Variants in HMCN1 observed in about 807,000 individuals in gnomAD.
HMCN1 encodes hemicentin-1.
In HMCN1, 321 loss-of-function variants were observed where a neutral mutation model predicts 625.9. The observed-to-expected ratio is 0.51, with a 90% CI of 0.47 to 0.56. HMCN1 has a LOEUF of 0.56. HMCN1 is among the 20% of genes least tolerant of loss of function. The probability of loss-of-function intolerance (pLI) is 0.00; values close to 1 mark genes in which losing one functional copy is unlikely to be tolerated. For synonymous variants in HMCN1, 2,425 were observed against 2,417.6 expected (o/e 1.00, Z -0.09); for missense variants, 6,588 against 6,887.3 (o/e 0.96, Z 1.54).
chr1:186,174,562 T>C lies in HMCN1; in HGVS notation c.15863T>C (p.Ile5288Thr), dbSNP rs1335867760. The change falls in exon 103 of 107, where the codon ATA becomes ACA. Residue 5288 changes from isoleucine to threonine, a missense_variant. By Grantham distance (89) the Ile-to-Thr change is moderately conservative (BLOSUM62 -1). Transcript: ENST00000271588. ...ACCCATCAGTGCAGATATAACCAGA[T>C]ATGTGAGAATACAAGAGGCAGCTAT... ...DGTHQCRYNQ[I>T]CENTRGSYRC... 4 of 1,613,748 alleles carry C rather than the reference T, an allele frequency of 2.5e-6. No homozygotes were observed. Among genetic ancestry groups the C allele is most frequent in the Non-Finnish European group, 3.4e-6 (4 of 1,179,652 alleles).
chr1:185,764,321 G>A (rs190985959), intron 1 of HMCN1, among the ~76,000 whole-genome samples: 2 of 152,252 alleles, frequency 1.3e-5, no homozygotes, highest in Non-Finnish European at 2.9e-5. Flanking sequence ...CATAGCTGAA[G>A]GATCCACAAC....
intron 15 of HMCN1, among the ~76,000 whole-genome samples, chr1:185,971,854 C>T (rs752140318): frequency 1.3e-5 from 2 of 152,090 alleles, no homozygotes; most frequent in Non-Finnish European, 2.9e-5. Flanking sequence ...CCACAAAGAC[C>T]ACTATAGAAT....
At chr1:185,999,392 A>G (rs1336816715) in intron 25 of HMCN1, among the ~76,000 whole-genome samples, 1 of 152,018 alleles carries the variant, frequency 6.6e-6, no homozygotes, top group Admixed American at 6.6e-5. Flanking sequence ...AGATTGTTGT[A>G]TCATTTTTTT....
At chr1:185,954,020 C>T (rs1352562258) in intron 11 of HMCN1, among the ~76,000 whole-genome samples, 1 of 151,296 alleles carries the variant, frequency 6.6e-6, no homozygotes, top group African/African-American at 2.4e-5. Context: ...AGGAAAAGGA[C>T]TTTCACAAGG....
At chr1:186,159,907 C>T (rs1571437824) in intron 97 of HMCN1, among the ~76,000 whole-genome samples, 1 of 152,120 alleles carries the variant, frequency 6.6e-6, no homozygotes, top group East Asian at 1.9e-4. Context: ...CTCTGCCTGG[C>T]TTTGGTATCA....
intron 97 of HMCN1, among the ~76,000 whole-genome samples, chr1:186,159,225 C>G (rs1651256974): frequency 6.6e-6 from 1 of 152,094 alleles, no homozygotes; most frequent in African/African-American, 2.4e-5. Flanking sequence ...TGATTTGGCT[C>G]TCTGTCTGTT....
rs1239295914 is a variant in HMCN1, at chr1:186,175,911, G to GA, written c.15943+1272dup. Reference sequence around the variant, plus strand: ...AAAAAAGAAAGAAAAGAAAAGAAAAGAAAGAAAGAAAAGAGTTAAAGAAAC... The same window carrying GA: ...AAAAAAGAAAGAAAAGAAAAGAAAAGAAAAGAAAGAAAAGAGTTAAAGAAAC... On this transcript the variant is annotated intron_variant, in intron 103 of 106. Transcript: ENST00000271588. 1.9e-3 allele frequency among the ~76,000 whole-genome samples: 266 copies of GA among 139,796 alleles called. 1 individual carries two copies. The highest frequency in any genetic ancestry group is 6.6e-3 in the African/African-American group (248 of 37,530). 91.7% of individuals were successfully genotyped at this position (139,796 alleles called of 152,430 possible). A position where few individuals can be genotyped will look rare whatever the true frequency, so the allele number is the denominator to read the frequency against.
intron 1 of HMCN1, among the ~76,000 whole-genome samples, chr1:185,812,058 T>A (rs1659553443): frequency 6.6e-6 from 1 of 152,196 alleles, no homozygotes; most frequent in Non-Finnish European, 1.5e-5. Context: ...CAGCTTTAAC[T>A]TACCCAGTCA....
chr1:185,992,961 G>A (rs1203085691), intron 22 of HMCN1, among the ~76,000 whole-genome samples: 1 of 152,066 alleles, frequency 6.6e-6, no homozygotes, highest in Non-Finnish European at 1.5e-5. Flanking sequence ...AGACCATTAA[G>A]ATTTAAAAGT....
At chr1:185,865,955 C>A in intron 4 of HMCN1, 92 bp downstream of exon 4, 1 of 1,309,350 alleles carries the variant, frequency 7.6e-7, no homozygotes, top group Non-Finnish European at 1.1e-6. Flanking sequence ...ATTTCAAAAA[C>A]AATTTTAACC....
At position 186,093,184 on chromosome 1, in the gene HMCN1, A is replaced by G. The variant is rs1659938034; in HGVS notation, c.9938A>G (p.Asp3313Gly). 1 of 1,613,384 alleles carries G rather than the reference A, an allele frequency of 6.2e-7. No individual in the cohort carries two copies. ...AACATTTATGGAGCTCTTACATCTG[A>G]CACGGGGAAATACACATGTGTTGCT... ...TLNIYGALTS[D>G]TGKYTCVATN... is the part of the protein sequence containing the mutation. Residue 3313 changes from aspartate to glycine, a missense_variant, in exon 65 of 107, where the codon GAC becomes GGC. Around this residue, in one of 3 missense-constraint regions of HMCN1, gnomAD observed 4,628 missense variants for 4,853.1 expected, o/e 0.95. Transcript: ENST00000271588.
intron 82 of HMCN1, among the ~76,000 whole-genome samples, chr1:186,126,600 C>A (rs1661657821): frequency 6.6e-6 from 1 of 151,864 alleles, no homozygotes; most frequent in African/African-American, 2.4e-5. Context: ...AGTGAATTAG[C>A]CAAGCAAATA....
rs1650145639 is a variant in HMCN1 at position 186,144,287 on chromosome 1, C to A, written c.14039C>A (p.Ser4680Tyr). The change falls in exon 90 of 107, where the codon TCC becomes TAC. Residue 4680 changes from serine (S) to tyrosine (Y), a missense_variant. This residue lies in a region of HMCN1 where 1,954 missense variants were observed against 2,013.1 expected (regional missense o/e 0.97). Transcript: ENST00000271588. ...AACCCACCACCAGCGTTTGGTGGGT[C>A]CTACTGTGATGGAGCAGAAACACAG... Reference protein sequence around the residue: ...CNNPPPAFGGSYCDGAETQMQ... With the variant: ...CNNPPPAFGGYYCDGAETQMQ... The A allele has an allele frequency of 6.2e-7, 1 of 1,613,844 alleles. No individual in the cohort carries two copies. The highest frequency in any genetic ancestry group is 1.7e-5 in the Admixed American group (1 of 59,998).
intron 1 of HMCN1, among the ~76,000 whole-genome samples, chr1:185,745,813 G>A (rs749546677): frequency 6.6e-6 from 1 of 152,130 alleles, no homozygotes; most frequent in African/African-American, 2.4e-5. Flanking sequence ...CTGTCCACTT[G>A]AAACTTACAT....
At chr1:185,861,598 T>G (rs1370301628) in intron 2 of HMCN1, among the ~76,000 whole-genome samples, 1 of 152,222 alleles carries the variant, frequency 6.6e-6, no homozygotes. Context: ...TAAAGATTAT[T>G]TCTATCCAAT....
chr1:186,124,246 A>G (rs1282503455), intron 81 of HMCN1, among the ~76,000 whole-genome samples: 1 of 152,124 alleles, frequency 6.6e-6, no homozygotes, highest in Non-Finnish European at 1.5e-5. Context: ...TGAAAACCCC[A>G]AACCCAGACA....
chr1:186,087,680 C>A (rs1255463856), intron 60 of HMCN1, 35 bp downstream of exon 60: 3 of 1,582,686 alleles, frequency 1.9e-6, no homozygotes, highest in South Asian at 2.2e-5. Flanking sequence ...TGTCATGACA[C>A]CTTGGTGGGG....
chr1:185,887,316 T>C (rs1664725671), intron 4 of HMCN1, among the ~76,000 whole-genome samples: 1 of 152,076 alleles, frequency 6.6e-6, no homozygotes, highest in East Asian at 1.9e-4. Context: ...ATTTATTTTT[T>C]ATTATTATAC....
intron 105 of HMCN1, among the ~76,000 whole-genome samples, chr1:186,183,494 C>G (rs774021778): frequency 6.6e-6 from 1 of 152,208 alleles, no homozygotes; most frequent in Non-Finnish European, 1.5e-5. Context: ...TCTTAAGAAC[C>G]TACCCCATGC....
Sources: gnomAD v4.1 joint callset for allele counts (sites outside exome capture counted in the v4.1 genomes callset) on GRCh38, gnomAD v4.1.1 for gene constraint, gnomAD v4.1.1 regional missense constraint, MANE v1.5 for transcripts, NCBI Gene and HGNC (gene_info 2026-07-23, HGNC 2026-07-21) for gene names.